Variants in PTPRD observed in about 807,000 individuals in gnomAD.
PTPRD encodes protein tyrosine phosphatase receptor type D, also known as receptor-type tyrosine-protein phosphatase delta.
PTPRD carries 34 observed loss-of-function variants against 214.5 expected under a neutral mutation model. That is an observed-to-expected ratio of 0.16 (90% CI 0.12 to 0.21). The LOEUF (loss-of-function observed/expected upper bound fraction) is 0.21. PTPRD is among the 10% of genes least tolerant of loss of function. The pLI, the probability that PTPRD is intolerant of heterozygous loss-of-function variation, is 1.00. For synonymous variants in PTPRD, 1,128 were observed against 845.7 expected (o/e 1.33, Z -5.79); for missense variants, 2,545 against 2,398.7 (o/e 1.06, Z -1.27).
chr9:9,528,914 A>C, intron 8 of PTPRD, among the ~76,000 whole-genome samples: 1 of 150,746 alleles, frequency 6.6e-6, no homozygotes. Flanking sequence ...CCTTGAATTT[A>C]CCAGTTTCTT....
At chr9:8,975,737 C>T (rs975547400) in intron 11 of PTPRD, among the ~76,000 whole-genome samples, 2 of 151,450 alleles carry the variant, frequency 1.3e-5, no homozygotes, top group African/African-American at 4.8e-5. Flanking sequence ...TTAAATCTCA[C>T]ATATTTCCTG....
chr9:10,492,993 T>C (rs1406754301), intron 2 of PTPRD, among the ~76,000 whole-genome samples: 2 of 152,062 alleles, frequency 1.3e-5, no homozygotes, highest in Admixed American at 1.3e-4. Context: ...GAACTCCCAT[T>C]CACAATTGCT....
At chr9:10,325,321 C>T (rs890268812) in intron 3 of PTPRD, among the ~76,000 whole-genome samples, 6 of 151,946 alleles carry the variant, frequency 3.9e-5, no homozygotes, top group South Asian at 2.1e-4. Context: ...ATTTTAAAAA[C>T]GTTTTAATGT....
intron 5 of PTPRD, among the ~76,000 whole-genome samples, chr9:9,903,108 A>G (rs781325456): frequency 6.6e-6 from 1 of 152,174 alleles, no homozygotes; most frequent in African/African-American, 2.4e-5. Flanking sequence ...GTAGCATGAA[A>G]TAAGTAATCA....
At chr9:8,521,632 C>T (rs2097892269) in intron 19 of PTPRD, 86 bp from the exon 20 acceptor site, 14 of 1,425,114 alleles carry the variant, frequency 9.8e-6, no homozygotes, top group African/African-American at 2.9e-5. Context: ...CGTACAGACA[C>T]GATTCAACAA....
intron 11 of PTPRD, among the ~76,000 whole-genome samples, chr9:8,803,782 G>T (rs1408647502): frequency 6.6e-6 from 1 of 151,568 alleles, no homozygotes; most frequent in Non-Finnish European, 1.5e-5. Context: ...ATGTTTGGTA[G>T]TCCTATTCAT....
intron 4 of PTPRD, among the ~76,000 whole-genome samples, chr9:9,949,130 T>G (rs1161197944): frequency 6.6e-6 from 1 of 152,042 alleles, no homozygotes; most frequent in African/African-American, 2.4e-5. Context: ...TGGAAGCAAT[T>G]ATTTTATGTT....
chr9:8,411,967 G>C (rs916422869), intron 35 of PTPRD, among the ~76,000 whole-genome samples: 6 of 152,188 alleles, frequency 3.9e-5, no homozygotes, highest in Non-Finnish European at 7.3e-5. Flanking sequence ...CAGGCAGTTT[G>C]GGGCAAGCAA....
intron 11 of PTPRD, among the ~76,000 whole-genome samples, chr9:8,902,964 C>G (rs142893053): frequency 6.6e-6 from 1 of 151,976 alleles, no homozygotes; most frequent in Non-Finnish European, 1.5e-5. Flanking sequence ...GAAGGCTTCA[C>G]AAGTTTTTGG....
At chr9:8,722,059 G>GA (rs1012783553) in intron 12 of PTPRD, among the ~76,000 whole-genome samples, 8 of 151,542 alleles carry the variant, frequency 5.3e-5, no homozygotes, top group African/African-American at 1.7e-4. Flanking sequence ...TCCTTGATAA[G>GA]AAAAATCATC....
chr9:10,244,230 A>T (rs1200418900), intron 3 of PTPRD, among the ~76,000 whole-genome samples: 1 of 152,084 alleles, frequency 6.6e-6, no homozygotes, highest in East Asian at 1.9e-4. Context: ...CTTTTACATC[A>T]AACATACATC....
intron 44 of PTPRD, among the ~76,000 whole-genome samples, chr9:8,324,848 C>A (rs1832032849): frequency 6.6e-6 from 1 of 152,158 alleles, no homozygotes; most frequent in Non-Finnish European, 1.5e-5. Context: ...TCTCTAATGA[C>A]CAGTGATAGT....
intron 5 of PTPRD, among the ~76,000 whole-genome samples, chr9:9,825,352 C>T (rs1453359509): frequency 4.1e-5 from 6 of 145,046 alleles, no homozygotes; most frequent in Non-Finnish European, 9.2e-5. Flanking sequence ...AAGAAAGAGA[C>T]AAAGAGACAC....
At chr9:9,548,889 A>C (rs962466100) in intron 8 of PTPRD, among the ~76,000 whole-genome samples, 4 of 152,160 alleles carry the variant, frequency 2.6e-5, no homozygotes, top group African/African-American at 9.6e-5. Context: ...ATACGAAAGG[A>C]AGAAATAGAA....
At chr9:9,431,644 G>C (rs1398812267) in intron 8 of PTPRD, among the ~76,000 whole-genome samples, 4 of 151,984 alleles carry the variant, frequency 2.6e-5, no homozygotes, top group African/African-American at 4.8e-5. Flanking sequence ...GCAAAGACTT[G>C]GAAGCAACCC....
At chr9:8,532,341 A>C (rs958240531) in intron 14 of PTPRD, among the ~76,000 whole-genome samples, 1 of 152,032 alleles carries the variant, frequency 6.6e-6, no homozygotes, top group African/African-American at 2.4e-5. Flanking sequence ...GAAGACGTTA[A>C]TTGCTTTTTT....
intron 11 of PTPRD, among the ~76,000 whole-genome samples, chr9:8,972,282 A>C (rs1336558335): frequency 6.6e-6 from 1 of 151,956 alleles, no homozygotes; most frequent in African/African-American, 2.4e-5. Flanking sequence ...CATTTCCTAA[A>C]GAAACTTTTC....
intron 31 of PTPRD, among the ~76,000 whole-genome samples, chr9:8,467,231 A>C (rs1390783509): frequency 1.3e-5 from 2 of 151,902 alleles, no homozygotes; most frequent in Non-Finnish European, 2.9e-5. Context: ...TCACTTGTTT[A>C]GCAAAATTGG....
intron 11 of PTPRD, among the ~76,000 whole-genome samples, chr9:8,852,781 TC>T: frequency 6.6e-6 from 1 of 152,280 alleles, no homozygotes; most frequent in South Asian, 2.1e-4. Context: ...CTCTCTTTTT[TC>T]CCCCTTTTGG....
Sources: gnomAD v4.1 joint callset for allele counts (sites outside exome capture counted in the v4.1 genomes callset) on GRCh38, gnomAD v4.1.1 for gene constraint, MANE v1.5 for transcripts, NCBI Gene and HGNC (gene_info 2026-07-23, HGNC 2026-07-21) for gene names.